ITGA11: variants seen among roughly 807,000 people sequenced by gnomAD.
ITGA11 encodes the protein integrin subunit alpha 11.
Under a neutral mutation model 141.9 loss-of-function variants are expected in ITGA11, and 97 were observed. The ratio of observed to expected loss-of-function variants is 0.68; its 90% CI spans 0.58 to 0.81. ITGA11 has a LOEUF of 0.81. Among genes scored for constraint, ITGA11 ranks in the 30% least tolerant of loss-of-function variants. ITGA11 has a pLI of 0.00. For synonymous variants in ITGA11, 658 were observed against 624.6 expected, an observed-to-expected ratio of 1.05 and a Z score of -0.80; for missense variants, 1,387 against 1,559.2, an observed-to-expected ratio of 0.89 and a Z score of 1.86.
At chr15:68,400,728 A>AAATATTATATATTATATAATAAATATTAT (rs1566938598) in intron 2 of ITGA11, among the ~76,000 whole-genome samples, 1 of 13,920 alleles carries the variant, frequency 7.2e-5, no homozygotes, top group Non-Finnish European at 1.0e-4. Flanking sequence ...ATTATATAAT[A>AAATATTATATATTATATAATAAATATTAT]AATATTATAT....
At position 68,364,778 on chromosome 15, in the gene ITGA11, CGTT is replaced by C; in HGVS notation, c.283_285del (p.Asn95del). On this transcript the variant is annotated inframe_deletion, in exon 4 of 30. Transcript: ENST00000315757. ...CGCATGTTGTCTTTCCGCTCGGACA[CGTT>C]GGACAGGGTGACCCTTCCTGGGGTT... 3.1e-6 allele frequency: 5 copies of C among 1,613,804 alleles called. No individual in the cohort carries two copies. The highest frequency in any genetic ancestry group is 4.2e-6 in the Non-Finnish European group (5 of 1,179,816).
chr15:68,396,266 T>C (rs1896239158), intron 2 of ITGA11, among the ~76,000 whole-genome samples: 1 of 151,794 alleles, frequency 6.6e-6, no homozygotes, highest in African/African-American at 2.4e-5. Flanking sequence ...AATCAATCAA[T>C]CAATCAATCA....
At chr15:68,340,856 T>A (rs967697590) in intron 10 of ITGA11, 2 of 152,460 alleles carry the variant, frequency 1.3e-5, no homozygotes, top group Non-Finnish European at 2.9e-5. Context: ...CCAGGGACGA[T>A]GACGGGCCCA....
chr15:68,326,393 T>C lies in ITGA11; in HGVS notation c.2211+261A>G, dbSNP rs1056468498. ...TCCTAGTTCTCTCTGCTGGACCTACTGAGCCCACCTTCCTCCCTTCGGCAT... is the reference window on the plus strand; with the variant it reads ...TCCTAGTTCTCTCTGCTGGACCTACCGAGCCCACCTTCCTCCCTTCGGCAT... On this transcript the variant is annotated intron_variant, in intron 17 of 29. Coordinates refer to ENST00000315757, the MANE Select transcript of ITGA11 (RefSeq NM_001004439.2). This position sits in a 1 kb window ranked among gnomAD's most constrained non-coding sequence, Gnocchi z 6.8. Among the ~76,000 whole-genome samples the C allele has an allele frequency of 1.3e-5, 2 of 152,160 alleles. No individual in the cohort carries two copies. The highest frequency in any genetic ancestry group is 3.2e-3 in the Middle Eastern group (1 of 316).
In ITGA11 at chr15:68,332,045, G is replaced by A. The variant is rs779273104; in HGVS notation, c.1584C>T (p.Asn528=). 1.6e-5 allele frequency: 25 copies of A among 1,604,832 alleles called. No individual in the cohort carries two copies. In the Admixed American group the frequency reaches 1.7e-4, roughly 11 times the overall value. ...YELRQNLFVY[N]GTLKDSHSYQ... ...AACTGTGTGAATCCTTTAGCGTTCC[G>A]TTATAAACAAACAGGTTCTGCAAAA... The change falls in exon 14 of 30, where the codon AAC becomes AAT. Residue 528 remains asparagine (N), a synonymous_variant. Transcript: ENST00000315757.
chr15:68,404,246 C>T (rs539728283), intron 1 of ITGA11, among the ~76,000 whole-genome samples: 28 of 152,246 alleles, frequency 1.8e-4, no homozygotes, highest in African/African-American at 5.5e-4. Flanking sequence ...CCATGGGCGC[C>T]GGCACTGGGC....
chr15:68,366,719 C>T (rs1895433522), intron 3 of ITGA11, among the ~76,000 whole-genome samples: 1 of 152,156 alleles, frequency 6.6e-6, no homozygotes, highest in Admixed American at 6.5e-5. Context: ...AGACTCACGC[C>T]TTCCTCAGCA....
chr15:68,397,687 T>C (rs1178054774), intron 2 of ITGA11, among the ~76,000 whole-genome samples: 2 of 38,556 alleles, frequency 5.2e-5, no homozygotes, highest in East Asian at 1.5e-3. Flanking sequence ...AATATTATAT[T>C]TAAAATATTA....
In ITGA11 at chr15:68,324,005, T is replaced by C. The variant is rs558225591; in HGVS notation, c.2322+1126A>G. Reference sequence around the variant, plus strand: ...TTGTGGGGTGAGTGCCACGTACTCATTCATTTGCCATAGTGACTTTGTAAT... The same window carrying C: ...TTGTGGGGTGAGTGCCACGTACTCACTCATTTGCCATAGTGACTTTGTAAT... On this transcript the variant is annotated intron_variant, in intron 18 of 29. Coordinates refer to ENST00000315757, the MANE Select transcript of ITGA11 (RefSeq NM_001004439.2). The surrounding 1 kb of genome is among the most constrained non-coding windows in gnomAD (Gnocchi z 6.3). 3.9e-5 allele frequency among the ~76,000 whole-genome samples: 6 copies of C among 152,220 alleles called. No individual in the cohort carries two copies. Among genetic ancestry groups the C allele is most frequent in the South Asian group, 4.1e-4 (2 of 4,834 alleles).
At chr15:68,404,259 C>T (rs1896585489) in intron 1 of ITGA11, among the ~76,000 whole-genome samples, 1 of 152,126 alleles carries the variant, frequency 6.6e-6, no homozygotes, top group South Asian at 2.1e-4. Flanking sequence ...CACTGGGCTC[C>T]CCACTTCCCT....
intron 10 of ITGA11, among the ~76,000 whole-genome samples, chr15:68,344,402 AC>A (rs1468158087): frequency 6.6e-6 from 1 of 152,102 alleles, no homozygotes; most frequent in Non-Finnish European, 1.5e-5. Context: ...CAAATGCGAA[AC>A]CCTTAGGGAA....
chr15:68,414,052 C>A (rs1271934098), intron 1 of ITGA11, among the ~76,000 whole-genome samples: 1 of 152,148 alleles, frequency 6.6e-6, no homozygotes, highest in Non-Finnish European at 1.5e-5. Flanking sequence ...AAGACAGAGG[C>A]CTTGGTGGGG....
At chr15:68,351,111 T>C in intron 8 of ITGA11, 147 bp downstream of exon 8, 2 of 855,182 alleles carry the variant, frequency 2.3e-6, no homozygotes, top group South Asian at 3.6e-5. Context: ...GATCCTCAAC[T>C]TGTTGTTCAG....
At chr15:68,350,345 T>C (rs1416785761) in intron 9 of ITGA11, among the ~76,000 whole-genome samples, 2 of 150,080 alleles carry the variant, frequency 1.3e-5, no homozygotes, top group Non-Finnish European at 2.9e-5. Context: ...CCACCACACC[T>C]AGCTAATTTT....
chr15:68,369,279 AC>A lies in ITGA11; in HGVS notation c.169del (p.Val57SerfsTer22). ...ATTGGTTTCCAGTGGGGCGCCCACG[AC>A]CAGCCTGGGAAGGAAGAGAAGATGA... ...QHDISGNKWL[V>X]VGAPLETNGY... On this transcript the variant is annotated frameshift_variant, in exon 3 of 30. Transcript: ENST00000315757. LOFTEE classifies it high-confidence loss of function. 6.2e-7 allele frequency: 1 copy of A among 1,610,234 alleles called. No individual in the cohort carries two copies. The highest frequency in any genetic ancestry group is 8.5e-7 in the Non-Finnish European group (1 of 1,177,574).
Position 68,299,213 on chromosome 15 carries a change from C to G in ITGA11, c.*3846G>C, listed in dbSNP as rs1892971449. The G allele has an allele frequency of 6.6e-6, 1 of 152,128 alleles. No homozygotes were observed. The highest frequency in any genetic ancestry group is 1.5e-5 in the Non-Finnish European group (1 of 68,028). The allele number at this position is 152,128 out of a possible 1,614,324, so 9.4% of individuals were successfully genotyped here. A position where few individuals can be genotyped will look rare whatever the true frequency, so the allele number is the denominator to read the frequency against. On this transcript the variant is annotated 3_prime_UTR_variant, in exon 30 of 30. Transcript: ENST00000315757. ...TGTCCAGGTGCAAGGCTTACAATTC[C>G]CTCCTCATGCTAAATCAGCAAGGCT...
chr15:68,360,923 T>A (rs1388354272), intron 5 of ITGA11, among the ~76,000 whole-genome samples: 2 of 151,874 alleles, frequency 1.3e-5, no homozygotes, highest in African/African-American at 4.8e-5. Context: ...TCCCGAACCC[T>A]CCATAAAACG....
rs764565206 is a variant in ITGA11 at position 68,403,022 on chromosome 15, C to T, written c.60G>A (p.Thr20=). Residue 20 remains threonine, a synonymous_variant, in exon 2 of 30, where the codon ACG becomes ACA. Transcript: ENST00000315757. ...TCCTGGTGTCCATGTTGAAGGTGTC[C>T]GTGAACCCTGAGGCAGGGGGAGAGG... ...AWALSLWPGF[T]DTFNMDTRKP... 1.7e-5 allele frequency: 28 copies of T among 1,610,800 alleles called. No individual in the cohort carries two copies. The highest frequency in any genetic ancestry group is 1.6e-4 in the Middle Eastern group (1 of 6,080).
chr15:68,363,058 TGATG>T (rs1895302401), intron 4 of ITGA11, among the ~76,000 whole-genome samples: 1 of 151,934 alleles, frequency 6.6e-6, no homozygotes, highest in African/African-American at 2.4e-5. Context: ...TGATGGAGGT[TGATG>T]GATGGATGCA....
Sources: gnomAD v4.1 joint callset for allele counts (sites outside exome capture counted in the v4.1 genomes callset) on GRCh38, gnomAD v4.1.1 for gene constraint, Gnocchi (gnomAD v3.1) non-coding constraint, MANE v1.5 for transcripts, NCBI Gene and HGNC (gene_info 2026-07-23, HGNC 2026-07-21) for gene names.